The following SF3B1 variants were observed in gnomAD, a reference collection of about 807,000 sequenced individuals.
The protein encoded by SF3B1 is splicing factor 3b subunit 1, also known as pre-mRNA processing 10.
SF3B1 carries 12 observed loss-of-function variants against 153.8 expected under a neutral mutation model. The observed-to-expected ratio is 0.08, with a 90% CI of 0.05 to 0.13. SF3B1 has a LOEUF of 0.13. SF3B1 is among the 10% of genes least tolerant of loss of function. SF3B1 has a pLI of 1.00. For synonymous variants in SF3B1, 498 were observed against 525.2 expected, an observed-to-expected ratio of 0.95 and a Z score of 0.71; for missense variants, 513 against 1,606.1, an observed-to-expected ratio of 0.32 and a Z score of 11.63.
At position 197,392,162 on chromosome 2, in the gene SF3B1, A is replaced by G. The variant is rs1464350046; in HGVS notation, c.*141T>C. 2 of 467,608 alleles carry G rather than the reference A, an allele frequency of 4.3e-6. No homozygotes were observed. The highest frequency in any genetic ancestry group is 7.6e-6 in the Non-Finnish European group (2 of 264,026). 29.0% of individuals were successfully genotyped at this position (467,608 alleles called of 1,614,324 possible). ...TCAAAAACAAAGACAGGTTATTTAA[A>G]AATCATGCTACTGGATTTCTAGCTC... On this transcript the variant is annotated 3_prime_UTR_variant, in exon 25 of 25. Coordinates refer to ENST00000335508, the MANE Select transcript of SF3B1 (RefSeq NM_012433.4).
At chr2:197,397,560 C>T (rs2084890596) in intron 22 of SF3B1, among the ~76,000 whole-genome samples, 1 of 152,148 alleles carries the variant, frequency 6.6e-6, no homozygotes, top group Non-Finnish European at 1.5e-5. Context: ...CTTTTGGAGG[C>T]CAAGATAGGT....
intron 9 of SF3B1, among the ~76,000 whole-genome samples, chr2:197,407,157 G>A (rs75537447): frequency 0.011 from 1,622 of 152,210 alleles, 12 homozygotes; most frequent in South Asian, 0.023. Context: ...AACAGAAAAA[G>A]CTCTGTAAAG....
Position 197,417,375 on chromosome 2 carries a change from C to G in SF3B1, c.496-464G>C, listed in dbSNP as rs532082669. Among the ~76,000 whole-genome samples the G allele has an allele frequency of 1.2e-3, 182 of 152,150 alleles. 1 individual carries two copies. The highest frequency in any genetic ancestry group is 2.0e-3 in the Admixed American group (31 of 15,284). ...GGATGCACATTTAATTCACTCTGTACTGTTAAAATGGGGTTTTACCATCCC... is the reference window on the plus strand; with the variant it reads ...GGATGCACATTTAATTCACTCTGTAGTGTTAAAATGGGGTTTTACCATCCC... On this transcript the variant is annotated intron_variant, in intron 5 of 24. Coordinates refer to ENST00000335508, the MANE Select transcript of SF3B1 (RefSeq NM_012433.4).
At chr2:197,395,118 CCTTAA>C (rs1349593214) in intron 23 of SF3B1, among the ~76,000 whole-genome samples, 5 of 152,028 alleles carry the variant, frequency 3.3e-5, no homozygotes, top group African/African-American at 7.3e-5. Context: ...GGAATTACTC[CCTTAA>C]CTTCTTAGTA....
intron 21 of SF3B1, among the ~76,000 whole-genome samples, 169 bp downstream of exon 21, chr2:197,398,292 C>A (rs2084898662): frequency 6.6e-6 from 1 of 152,144 alleles, no homozygotes; most frequent in African/African-American, 2.4e-5. Context: ...AATTACATTG[C>A]CACCCCCATT....
intron 23 of SF3B1, among the ~76,000 whole-genome samples, chr2:197,394,221 T>A (rs764633120): frequency 3.3e-5 from 5 of 152,152 alleles, no homozygotes; most frequent in Non-Finnish European, 5.9e-5. Context: ...TTTTTATTGT[T>A]ATTGTTAGAG....
At chr2:197,403,345 CAT>C (rs1335833224) in intron 12 of SF3B1, among the ~76,000 whole-genome samples, 1 of 152,164 alleles carries the variant, frequency 6.6e-6, no homozygotes, top group African/African-American at 2.4e-5. Context: ...CGTTAGTTCT[CAT>C]ATGTTCTCAT....
intron 22 of SF3B1, 66 bp downstream of exon 22, chr2:197,397,919 T>C (rs569930856): frequency 4.0e-6 from 5 of 1,246,408 alleles, no homozygotes; most frequent in Middle Eastern, 1.9e-4. Context: ...CATGGAAGTA[T>C]TTTCCAATAC....
chr2:197,421,435 CA>C (rs764299702), intron 2 of SF3B1, among the ~76,000 whole-genome samples: 3 of 152,094 alleles, frequency 2.0e-5, no homozygotes, highest in Non-Finnish European at 4.4e-5. Flanking sequence ...TCACAGAAGA[CA>C]AAATGTTTTT....
At chr2:197,398,396 G>A in intron 21 of SF3B1, 65 bp downstream of exon 21, 5 of 1,567,038 alleles carry the variant, frequency 3.2e-6, no homozygotes, top group Non-Finnish European at 3.5e-6. Context: ...TTTGCTAATT[G>A]AATACAAAGT....
At position 197,402,883 on chromosome 2, in the gene SF3B1, T is replaced by C. The variant is rs2105987745; in HGVS notation, c.1807-57A>G. 1.2e-6 allele frequency: 2 copies of C among 1,609,636 alleles called. No individual in the cohort carries two copies. Among genetic ancestry groups the C allele is most frequent in the South Asian group, 1.1e-5 (1 of 90,818 alleles). On this transcript the variant is annotated intron_variant, in intron 13 of 24. Coordinates refer to ENST00000335508, the MANE Select transcript of SF3B1 (RefSeq NM_012433.4). This position sits in a 1 kb window ranked among gnomAD's most constrained non-coding sequence, Gnocchi z 4.6. ...AGTTGGTAATATTAATCTTCAACCA[T>C]TTCTTTCCATAATCAATTCCATAAA...
chr2:197,435,084 G>A (rs374530761), upstream of SF3B1: 6,222 of 1,596,864 alleles, frequency 3.9e-3, 15 homozygotes, highest in Non-Finnish European at 4.6e-3. Flanking sequence ...ATAGCTGGGG[G>A]CTGCACTCTG....
intron 11 of SF3B1, 71 bp downstream of exon 11, chr2:197,405,005 C>CA: frequency 1.8e-6 from 2 of 1,124,810 alleles, no homozygotes; most frequent in Non-Finnish European, 2.5e-6. Flanking sequence ...CCTGTCTCTA[C>CA]AAAAACTACA....
Position 197,409,850 on chromosome 2 carries a change from C to G in SF3B1, c.824G>C (p.Gly275Ala). ...GCCTCCATGGCCTGGTGTCGCATGG[C>G]CTGGTGTATCACCTCGTCCAGGAGT... ...AATPGRGDTP[G>A]HATPGHGGAT... The change falls in exon 7 of 25, where the codon GGC becomes GCC. Residue 275 changes from glycine (G) to alanine (A), a missense_variant. Gly to Ala is a moderately conservative substitution (Grantham distance 60). Coordinates refer to ENST00000335508, the MANE Select transcript of SF3B1 (RefSeq NM_012433.4). 6.2e-7 allele frequency: 1 copy of G among 1,614,128 alleles called. No homozygotes were observed. The highest frequency in any genetic ancestry group is 8.5e-7 in the Non-Finnish European group (1 of 1,180,014).
At chr2:197,416,551 T>C in intron 6 of SF3B1, 190 bp downstream of exon 6, 1 of 526,064 alleles carries the variant, frequency 1.9e-6, no homozygotes, top group Non-Finnish European at 3.3e-6. Flanking sequence ...AAGAAAGCCC[T>C]CAACAAACAC....
rs374750054 is a variant in SF3B1 at position 197,402,083 on chromosome 2, T to C, written c.2125A>G (p.Ile709Val). Reference sequence around the variant, plus strand: ...GTTGCTGCTTCAGCCAAGGCAGCAATGGCCAAAGCACTGATGGTCCGAACT... The same window carrying C: ...GTTGCTGCTTCAGCCAAGGCAGCAACGGCCAAAGCACTGATGGTCCGAACT... ...QKVRTISALA[I>V]AALAEAATPY... The change falls in exon 15 of 25, where the codon ATT becomes GTT. Residue 709 changes from isoleucine to valine, a missense_variant. By Grantham distance (29) the Ile-to-Val change is conservative. This residue lies in a region of SF3B1 where 50 missense variants were observed against 236.5 expected (regional missense o/e 0.21). Coordinates refer to ENST00000335508, the MANE Select transcript of SF3B1 (RefSeq NM_012433.4). The surrounding 1 kb of genome is among the most constrained non-coding windows in gnomAD (Gnocchi z 4.6). The C allele has an allele frequency of 1.9e-6, 3 of 1,613,268 alleles. No individual in the cohort carries two copies. Among genetic ancestry groups the C allele is most frequent in the Non-Finnish European group, 2.5e-6 (3 of 1,179,450 alleles).
rs1174426481 is a variant in SF3B1, at chr2:197,396,411, T to C, written c.3267-83A>G. The C allele has an allele frequency of 3.5e-6, 4 of 1,154,048 alleles. No individual in the cohort carries two copies. In the East Asian group the frequency reaches 7.4e-5, roughly 21 times the overall value. 71.5% of individuals were successfully genotyped at this position (1,154,048 alleles called of 1,614,324 possible). ...GAAAAAAATGCATAAAGATGAAAACTTTTAAGTATTAATAATTACAGGGAA... is the reference window on the plus strand; with the variant it reads ...GAAAAAAATGCATAAAGATGAAAACCTTTAAGTATTAATAATTACAGGGAA... On this transcript the variant is annotated intron_variant, in intron 22 of 24. Coordinates refer to ENST00000335508, the MANE Select transcript of SF3B1 (RefSeq NM_012433.4).
intron 1 of SF3B1, 130 bp downstream of exon 1, chr2:197,434,842 C>A: frequency 3.1e-6 from 3 of 960,464 alleles, no homozygotes; most frequent in South Asian, 2.8e-5. Flanking sequence ...GCGGAGGAGA[C>A]GACCCTTGGC....
At chr2:197,398,732 GA>G in intron 20 of SF3B1, 151 bp from the exon 21 acceptor site, 1 of 709,098 alleles carries the variant, frequency 1.4e-6, no homozygotes, top group Non-Finnish European at 2.3e-6. Context: ...ACCAGACTCA[GA>G]ATCGTTTTTA....
Sources: allele counts gnomAD v4.1 joint callset (sites outside exome capture counted in the v4.1 genomes callset), GRCh38; gene constraint gnomAD v4.1.1; regional missense constraint gnomAD v4.1.1; non-coding constraint Gnocchi (gnomAD v3.1); transcripts MANE v1.5; gene names NCBI Gene and HGNC (gene_info 2026-07-23, HGNC 2026-07-21).